The following DIO1 variants were observed in gnomAD, a reference collection of about 807,000 sequenced individuals.
DIO1 encodes the protein iodothyronine deiodinase 1.
Under a neutral mutation model 25.9 loss-of-function variants are expected in DIO1, and 17 were observed. The ratio of observed to expected loss-of-function variants is 0.66; its 90% CI spans 0.45 to 0.98. The LOEUF (loss-of-function observed/expected upper bound fraction) is 0.98. DIO1 is among the 50% of genes least tolerant of loss of function. The probability of loss-of-function intolerance (pLI) is 0.00; values close to 1 mark genes in which losing one functional copy is unlikely to be tolerated. For missense variants in DIO1, 270 were observed against 310.4 expected (o/e 0.87, Z 0.98); for synonymous variants, 115 against 114.0 (o/e 1.01, Z -0.05).
At chr1:53,899,818 CAT>C (rs1237396940) in intron 1 of DIO1, among the ~76,000 whole-genome samples, 1 of 152,098 alleles carries the variant, frequency 6.6e-6, no homozygotes, top group Non-Finnish European at 1.5e-5. Context: ...TGGGACTAGA[CAT>C]GTGTCACCAC....
intron 2 of DIO1, among the ~76,000 whole-genome samples, chr1:53,905,025 G>A (rs1454081681): frequency 2.0e-5 from 3 of 152,156 alleles, no homozygotes; most frequent in Non-Finnish European, 4.4e-5. Context: ...AGAACACCTG[G>A]AGTGACAGGG....
intron 1 of DIO1, among the ~76,000 whole-genome samples, chr1:53,900,242 A>T (rs1451404398): frequency 6.6e-6 from 1 of 152,212 alleles, no homozygotes; most frequent in Non-Finnish European, 1.5e-5. Flanking sequence ...TAACAAATGC[A>T]TGGGACCTAT....
In DIO1 at chr1:53,904,068, C is replaced by A. The variant is rs1268010634; in HGVS notation, c.338-598C>A. ...ATAGCAACAGCTTATATTTATGAAG[C>A]ACCTACTATGGGCCAGTAACCAGTT... On this transcript the variant is annotated intron_variant, in intron 1 of 3. Transcript: ENST00000361921. Among the ~76,000 whole-genome samples the A allele has an allele frequency of 3.3e-5, 5 of 152,134 alleles. No individual in the cohort carries two copies. The South Asian group carries it at 1.0e-3, about 31-fold the overall frequency.
intron 3 of DIO1, among the ~76,000 whole-genome samples, chr1:53,907,942 G>A (rs1374308299): frequency 6.6e-5 from 9 of 136,814 alleles, no homozygotes; most frequent in East Asian, 2.2e-4. Flanking sequence ...AAAAATGACC[G>A]GCCGGGCGCA....
At chr1:53,900,616 TA>T (rs965554065) in intron 1 of DIO1, among the ~76,000 whole-genome samples, 4 of 151,928 alleles carry the variant, frequency 2.6e-5, no homozygotes, top group African/African-American at 7.3e-5. Flanking sequence ...AAATAAAAAA[TA>T]AAAAAATTCC....
intron 2 of DIO1, 88 bp downstream of exon 2, chr1:53,904,897 T>C (rs1315246158): frequency 6.9e-7 from 1 of 1,453,478 alleles, no homozygotes; most frequent in Non-Finnish European, 9.3e-7. Context: ...GGTTGGGAGG[T>C]GGAAGGAGGA....
chr1:53,901,367 T>C (rs779344707), intron 1 of DIO1, among the ~76,000 whole-genome samples: 3 of 152,128 alleles, frequency 2.0e-5, no homozygotes, highest in Non-Finnish European at 2.9e-5. Flanking sequence ...AGGTGTTGAG[T>C]GCTTTCCAGA....
intron 1 of DIO1, among the ~76,000 whole-genome samples, chr1:53,898,535 A>G (rs1651196209): frequency 6.6e-6 from 1 of 152,098 alleles, no homozygotes; most frequent in African/African-American, 2.4e-5. Context: ...ACTTGATGTC[A>G]GGAGTTCGAG....
At chr1:53,905,363 C>T (rs1026735720) in intron 2 of DIO1, among the ~76,000 whole-genome samples, 2 of 151,850 alleles carry the variant, frequency 1.3e-5, no homozygotes, top group Admixed American at 6.6e-5. Context: ...TTTGTAGAAA[C>T]AGAGTTTCAC....
intron 1 of DIO1, among the ~76,000 whole-genome samples, chr1:53,900,877 C>CA (rs796612530): frequency 1.7e-4 from 26 of 150,864 alleles, no homozygotes; most frequent in African/African-American, 6.3e-4. Flanking sequence ...GGCAATGGCA[C>CA]AATCACAGCT....
chr1:53,901,317 T>C (rs1185498433), intron 1 of DIO1, among the ~76,000 whole-genome samples: 1 of 152,176 alleles, frequency 6.6e-6, no homozygotes, highest in Admixed American at 6.5e-5. Context: ...CTGGTTTTCT[T>C]GGTCACACAC....
chr1:53,907,512 G>T (rs3766467), intron 3 of DIO1, among the ~76,000 whole-genome samples: 13,687 of 152,154 alleles, frequency 0.09, 1,230 homozygotes, highest in African/African-American at 0.24. Context: ...ATCCTTTCCT[G>T]TACCTTGGGA....
intron 3 of DIO1, among the ~76,000 whole-genome samples, chr1:53,907,192 G>GCATGC (rs1190915695): frequency 1.3e-5 from 2 of 152,184 alleles, no homozygotes; most frequent in East Asian, 3.9e-4. Context: ...CGGCAGAAAT[G>GCATGC]CATTTCAGGC....
rs1189447647 is a variant in DIO1 at position 53,894,987 on chromosome 1, T to C, written c.337+440T>C. On this transcript the variant is annotated intron_variant, in intron 1 of 3. Transcript: ENST00000361921. This position sits in a 1 kb window ranked among gnomAD's most constrained non-coding sequence, Gnocchi z 4.9. ...TTTTCTTTATTACACCTGTCGCGGT[T>C]TGTAATTATGTACGGCTGGCTAGGA... is the stretch of plus-strand genomic sequence containing the variant. Among the ~76,000 whole-genome samples the C allele has an allele frequency of 6.6e-6, 1 of 152,332 alleles. No individual in the cohort carries two copies. Among genetic ancestry groups the C allele is most frequent in the East Asian group, 1.9e-4 (1 of 5,194 alleles).
chr1:53,899,595 G>T (rs139646819), intron 1 of DIO1, among the ~76,000 whole-genome samples: 144 of 152,338 alleles, frequency 9.5e-4, no homozygotes, highest in Non-Finnish European at 2.0e-3. Context: ...ATCAGTGGAT[G>T]TTGAGTTTTT....
intron 1 of DIO1, among the ~76,000 whole-genome samples, chr1:53,900,194 G>C (rs1034228396): frequency 2.0e-5 from 3 of 152,244 alleles, no homozygotes; most frequent in African/African-American, 7.2e-5. Context: ...CTTTTACTTG[G>C]CCACCAGGAA....
intron 3 of DIO1, among the ~76,000 whole-genome samples, chr1:53,908,554 G>C (rs775643604): frequency 4.6e-5 from 7 of 152,206 alleles, no homozygotes; most frequent in Non-Finnish European, 1.0e-4. Flanking sequence ...GCTTCTCAGA[G>C]GGGGCAGCAA....
chr1:53,898,385 C>G (rs1241314514), intron 1 of DIO1, among the ~76,000 whole-genome samples: 2 of 152,100 alleles, frequency 1.3e-5, no homozygotes, highest in African/African-American at 4.8e-5. Context: ...TGACTTTATC[C>G]TGAGAGTACT....
At chr1:53,903,522 G>A (rs1358041322) in intron 1 of DIO1, among the ~76,000 whole-genome samples, 2 of 151,850 alleles carry the variant, frequency 1.3e-5, no homozygotes, top group African/African-American at 2.4e-5. Context: ...ACGATGCCAG[G>A]TCAAGAGAGG....
Sources: allele counts gnomAD v4.1 joint callset (sites outside exome capture counted in the v4.1 genomes callset), GRCh38; gene constraint gnomAD v4.1.1; non-coding constraint Gnocchi (gnomAD v3.1); transcripts MANE v1.5; gene names NCBI Gene and HGNC (gene_info 2026-07-23, HGNC 2026-07-21).